Variants in TIMM23B observed in about 807,000 individuals in gnomAD.
TIMM23B encodes the protein translocase of inner mitochondrial membrane 23 homolog B.
In TIMM23B, 27 loss-of-function variants were observed where a neutral mutation model predicts 27.3. The observed-to-expected ratio is 0.99, with a 90% confidence interval of 0.73 to 1.36. TIMM23B has a LOEUF of 1.36. TIMM23B is among the 40% of genes most tolerant of loss of function. The probability of loss-of-function intolerance (pLI) is 0.00; values close to 1 mark genes in which losing one functional copy is unlikely to be tolerated. For synonymous variants in TIMM23B, 73 were observed against 92.4 expected (o/e 0.79, Z 1.21); for missense variants, 205 against 244.2 (o/e 0.84, Z 1.07).
chr10:49,962,744 CA>C (rs1252969323), intron 6 of TIMM23B, among the ~76,000 whole-genome samples: 4 of 152,152 alleles, frequency 2.6e-5, no homozygotes, highest in Non-Finnish European at 5.9e-5. Flanking sequence ...GTCGTACATA[CA>C]GTTTTGCACA....
intron 6 of TIMM23B, among the ~76,000 whole-genome samples, chr10:49,959,530 CTTAATT>C (rs1362318284): frequency 1.6e-4 from 25 of 152,126 alleles, no homozygotes; most frequent in Middle Eastern, 3.2e-3. Context: ...TCTTTGGCTA[CTTAATT>C]TTTATTTTTA....
chr10:49,968,224 G>T (rs2573401), intron 6 of TIMM23B, among the ~76,000 whole-genome samples: 2 of 151,882 alleles, frequency 1.3e-5, no homozygotes, highest in South Asian at 2.1e-4. Context: ...GTTTAAGTGA[G>T]CACATGGGCA....
chr10:49,955,934 T>A (rs1450154888), intron 5 of TIMM23B, among the ~76,000 whole-genome samples: 1 of 152,182 alleles, frequency 6.6e-6, no homozygotes, highest in Non-Finnish European at 1.5e-5. Context: ...CACCCCTCTC[T>A]GCTTCTTTTA....
intron 5 of TIMM23B, among the ~76,000 whole-genome samples, chr10:49,957,438 G>A (rs1466123393): frequency 7.9e-5 from 12 of 151,962 alleles, no homozygotes; most frequent in African/African-American, 2.9e-4. Flanking sequence ...TTTTTTTGGA[G>A]AAGGGGGTAT....
In TIMM23B at chr10:49,973,132, G is replaced by A; in HGVS notation, c.*68G>A. 1 of 1,338,096 alleles carries A rather than the reference G, an allele frequency of 7.5e-7. No individual in the cohort carries two copies. Among genetic ancestry groups the A allele is most frequent in the South Asian group, 1.3e-5 (1 of 79,188 alleles). The allele number at this position is 1,338,096 out of a possible 1,614,324, so 82.9% of individuals were successfully genotyped here. ...CTGAGAAGAAGCTACACAAAAGGCAGCAAAGTATTAGTAAGTGTACCTCTG... is the reference window on the plus strand; with the variant it reads ...CTGAGAAGAAGCTACACAAAAGGCAACAAAGTATTAGTAAGTGTACCTCTG... On this transcript the variant is annotated 3_prime_UTR_variant, in exon 7 of 7. Transcript: ENST00000651259.
chr10:49,959,174 A>G (rs1186708007), intron 6 of TIMM23B, among the ~76,000 whole-genome samples: 2 of 152,196 alleles, frequency 1.3e-5, no homozygotes, highest in Non-Finnish European at 2.9e-5. Context: ...GACATTAAGA[A>G]TATAAGATTC....
intron 2 of TIMM23B, among the ~76,000 whole-genome samples, chr10:49,946,365 A>G (rs1289239977): frequency 3.9e-5 from 6 of 152,222 alleles, no homozygotes; most frequent in Admixed American, 3.3e-4. Context: ...GGCCAGGGCA[A>G]TTAGTCAAGT....
At chr10:49,964,135 C>T (rs1369220527) in intron 6 of TIMM23B, among the ~76,000 whole-genome samples, 4 of 148,632 alleles carry the variant, frequency 2.7e-5, no homozygotes, top group African/African-American at 1.0e-4. Context: ...TATGAAATGC[C>T]AGGTGTGGTG....
At chr10:49,963,943 T>C (rs1274379133) in intron 6 of TIMM23B, among the ~76,000 whole-genome samples, 678 of 151,950 alleles carry the variant, frequency 4.5e-3, no homozygotes, top group East Asian at 0.018. Context: ...CCAGCCTGGG[T>C]GTTAGAACAA....
chr10:49,946,792 G>A (rs2133051257), intron 2 of TIMM23B, among the ~76,000 whole-genome samples: 1 of 149,186 alleles, frequency 6.7e-6, no homozygotes, highest in South Asian at 2.2e-4. Flanking sequence ...TGGCTTTTTT[G>A]CAGAAATTGA....
intron 4 of TIMM23B, among the ~76,000 whole-genome samples, chr10:49,953,229 A>C (rs1312813981): frequency 6.6e-6 from 1 of 151,724 alleles, no homozygotes; most frequent in Non-Finnish European, 1.5e-5. Context: ...GTATTCTTCG[A>C]TGGCTACTGT....
intron 6 of TIMM23B, among the ~76,000 whole-genome samples, chr10:49,971,649 T>C (rs1840455485): frequency 6.6e-6 from 1 of 152,246 alleles, no homozygotes; most frequent in African/African-American, 2.4e-5. Context: ...ATTGAGCATA[T>C]GCAAATTGAG....
At chr10:49,946,959 A>T (rs1191757154) in intron 2 of TIMM23B, among the ~76,000 whole-genome samples, 6 of 152,192 alleles carry the variant, frequency 3.9e-5, no homozygotes, top group Non-Finnish European at 7.4e-5. Flanking sequence ...TAGTTAATGA[A>T]ATACAGAGTC....
chr10:49,955,858 G>C (rs1469892517), intron 5 of TIMM23B, among the ~76,000 whole-genome samples: 106 of 152,224 alleles, frequency 7.0e-4, no homozygotes, highest in Middle Eastern at 3.4e-3. Context: ...TCACACTTTG[G>C]ATCCTAAGAG....
At chr10:49,971,202 G>A (rs2132071417) in intron 6 of TIMM23B, among the ~76,000 whole-genome samples, 1 of 152,088 alleles carries the variant, frequency 6.6e-6, no homozygotes, top group Non-Finnish European at 1.5e-5. Context: ...GAAGGCCGCA[G>A]GGTCCTCTGC....
At chr10:49,954,852 T>C (rs1293940709) in intron 4 of TIMM23B, 150 bp from the exon 5 acceptor site, 20,937 of 695,426 alleles carry the variant, frequency 0.03, 1,630 homozygotes, top group African/African-American at 0.23. Flanking sequence ...AAACCATCCT[T>C]ATTGAAATCG....
intron 6 of TIMM23B, among the ~76,000 whole-genome samples, chr10:49,969,373 G>C (rs1840312317): frequency 1.4e-5 from 2 of 146,384 alleles, no homozygotes; most frequent in Admixed American, 7.0e-5. Flanking sequence ...GGAGGTCAAA[G>C]CTGCAGTGTG....
chr10:49,967,744 T>C (rs1195281543), intron 6 of TIMM23B, among the ~76,000 whole-genome samples: 1 of 152,046 alleles, frequency 6.6e-6, no homozygotes, highest in Non-Finnish European at 1.5e-5. Flanking sequence ...TCATTTCTTT[T>C]GACAATATCA....
intron 2 of TIMM23B, among the ~76,000 whole-genome samples, chr10:49,951,908 C>A (rs1839542909): frequency 6.6e-6 from 1 of 152,204 alleles, no homozygotes; most frequent in South Asian, 2.1e-4. Flanking sequence ...GAAACAAAGT[C>A]TTTAATGAGA....
Sources: gnomAD v4.1 joint callset for allele counts (sites outside exome capture counted in the v4.1 genomes callset) on GRCh38, gnomAD v4.1.1 for gene constraint, MANE v1.5 for transcripts, NCBI Gene and HGNC (gene_info 2026-07-23, HGNC 2026-07-21) for gene names.